IL5RA: variants seen among roughly 807,000 people sequenced by gnomAD.
The protein encoded by IL5RA is interleukin 5 receptor subunit alpha, also known as interleukin-5 receptor subunit alpha.
In IL5RA, 49 loss-of-function variants were observed where a neutral mutation model predicts 50.0. The ratio of observed to expected loss-of-function variants is 0.98; its 90% CI spans 0.78 to 1.24. The LOEUF (loss-of-function observed/expected upper bound fraction) is 1.24, where lower values mean the gene tolerates loss of function less well. IL5RA is among the 50% of genes most tolerant of loss of function. The pLI is 0.00. For synonymous variants in IL5RA, 202 were observed against 174.0 expected (o/e 1.16, Z -1.26); for missense variants, 600 against 500.4 (o/e 1.20, Z -1.90).
Position 3,092,370 on chromosome 3 carries a change from G to A in IL5RA, c.856-8C>T, listed in dbSNP as rs199874686. On this transcript the variant is annotated splice_polypyrimidine_tract_variant and splice_region_variant and intron_variant, in intron 8 of 11. Transcript: ENST00000446632. The surrounding 1 kb of genome is among the most constrained non-coding windows in gnomAD (Gnocchi z 4.2). ...GGTCATCAATTTTTCTATCTAAGTG[G>A]GGAAAGATAGCATTAGAAGAATCTC... The A allele has an allele frequency of 1.7e-5, 28 of 1,611,372 alleles. No homozygotes were observed. The highest frequency in any genetic ancestry group is 2.2e-5 in the East Asian group (1 of 44,896).
chr3:3,110,237 T>C lies in IL5RA; in HGVS notation c.-438A>G, dbSNP rs767483286. On this transcript the variant is annotated 5_prime_UTR_variant, in exon 1 of 12. Transcript: ENST00000446632. ...TCTCGTCCAGATAGCCATTATCTGATAACTGTCTTGTCTGCATTTTCACTC... is the reference window on the plus strand; with the variant it reads ...TCTCGTCCAGATAGCCATTATCTGACAACTGTCTTGTCTGCATTTTCACTC... 13 of 152,296 alleles carry C rather than the reference T, an allele frequency of 8.5e-5. No homozygotes were observed. The highest frequency in any genetic ancestry group is 1.6e-4 in the Non-Finnish European group (11 of 68,064). 9.4% of individuals were successfully genotyped at this position (152,296 alleles called of 1,614,324 possible). A position where few individuals can be genotyped will look rare whatever the true frequency, so the allele number is the denominator to read the frequency against.
In IL5RA at chr3:3,104,948, C is replaced by G; in HGVS notation, c.37G>C (p.Gly13Arg). 6.2e-7 allele frequency: 1 copy of G among 1,612,896 alleles called. No homozygotes were observed. Among genetic ancestry groups the G allele is most frequent in the Non-Finnish European group, 8.5e-7 (1 of 1,179,242 alleles). ...TCAGCTTGCAGTATCTCAGTGGCCC[C>G]CAAAAGGATGAGTAATACATGCGCC... ...IVAHVLLILL[G>R]ATEILQADLL... is the part of the protein sequence containing the mutation. The change falls in exon 3 of 12, where the codon GGG (glycine) becomes CGG (arginine). Residue 13 changes from glycine to arginine, a missense_variant. Transcript: ENST00000446632.
In IL5RA at chr3:3,104,942, T is replaced by G; in HGVS notation, c.43A>C (p.Thr15Pro). ...AHVLLILLGA[T>P]EILQADLLPD... ...AGTAAGTCAGCTTGCAGTATCTCAGTGGCCCCCAAAAGGATGAGTAATACA... is the reference window on the plus strand; with the variant it reads ...AGTAAGTCAGCTTGCAGTATCTCAGGGGCCCCCAAAAGGATGAGTAATACA... Residue 15 changes from threonine to proline, a missense_variant, in exon 3 of 12, where the codon ACT becomes CCT. Thr to Pro is a conservative substitution (Grantham distance 38, BLOSUM62 -1). Transcript: ENST00000446632. 6.2e-7 allele frequency: 1 copy of G among 1,613,234 alleles called. No homozygotes were observed. Among genetic ancestry groups the G allele is most frequent in the South Asian group, 1.1e-5 (1 of 91,048 alleles).
intron 2 of IL5RA, among the ~76,000 whole-genome samples, chr3:3,106,012 G>C (rs987885909): frequency 2.6e-5 from 4 of 152,098 alleles, no homozygotes; most frequent in African/African-American, 9.7e-5. Flanking sequence ...CCAGAGATTT[G>C]GTACCAGACA....
chr3:3,088,611 T>C (rs1702969490), intron 9 of IL5RA, among the ~76,000 whole-genome samples: 1 of 152,246 alleles, frequency 6.6e-6, no homozygotes, highest in African/African-American at 2.4e-5. Flanking sequence ...CTTTTTCACC[T>C]AATACGTTCT....
At chr3:3,090,188 C>A in intron 9 of IL5RA, 14 of 1,608,522 alleles carry the variant, frequency 8.7e-6, no homozygotes, top group Non-Finnish European at 1.2e-5. Context: ...GCTATCCCTG[C>A]TGTTGTTTTT....
At chr3:3,089,530 C>A (rs763667397) in intron 9 of IL5RA, among the ~76,000 whole-genome samples, 1 of 152,190 alleles carries the variant, frequency 6.6e-6, no homozygotes, top group Non-Finnish European at 1.5e-5. Flanking sequence ...TGTGCCTGAA[C>A]TAAATCTCTC....
chr3:3,070,360 G>T, intron 11 of IL5RA, 49 bp from the exon 12 acceptor site: 2 of 1,235,118 alleles, frequency 1.6e-6, no homozygotes, highest in Non-Finnish European at 2.3e-6. Context: ...GAACTTTTGG[G>T]TTCTTTGAAA....
intron 11 of IL5RA, among the ~76,000 whole-genome samples, chr3:3,071,552 A>AGTGTGTGTGTGTGTGT (rs55736610): frequency 2.9e-5 from 4 of 136,066 alleles, no homozygotes; most frequent in South Asian, 2.3e-4. Context: ...CTTCCTTCAC[A>AGTGTGTGTGTGTGTGT]GTGTGTGTGT....
intron 9 of IL5RA, among the ~76,000 whole-genome samples, chr3:3,088,535 T>A (rs1702965094): frequency 6.6e-6 from 1 of 152,236 alleles, no homozygotes; most frequent in Non-Finnish European, 1.5e-5. Flanking sequence ...CTCTAGCTTA[T>A]AACATAGAGC....
chr3:3,104,396 G>A (rs998295121), intron 3 of IL5RA, among the ~76,000 whole-genome samples: 3 of 152,208 alleles, frequency 2.0e-5, no homozygotes, highest in Non-Finnish European at 4.4e-5. Context: ...GGGCGCAATA[G>A]TCACATATGG....
chr3:3,093,251 C>A (rs989315838), intron 8 of IL5RA, among the ~76,000 whole-genome samples: 1 of 152,148 alleles, frequency 6.6e-6, no homozygotes, highest in Non-Finnish European at 1.5e-5. Context: ...GACTGAATTA[C>A]TTGCCACTTG....
At chr3:3,090,928 G>A (rs529292792) in intron 9 of IL5RA, among the ~76,000 whole-genome samples, 1 of 152,214 alleles carries the variant, frequency 6.6e-6, no homozygotes, top group South Asian at 2.1e-4. Context: ...TCCTGGGTGT[G>A]GAATTGACAT....
Position 3,069,809 on chromosome 3 carries a change from C to G in IL5RA, c.*416G>C, listed in dbSNP as rs1702237916. The G allele has an allele frequency of 6.1e-6, 1 of 163,294 alleles. No homozygotes were observed. Among genetic ancestry groups the G allele is most frequent in the South Asian group, 2.0e-4 (1 of 5,018 alleles). The allele number at this position is 163,294 out of a possible 1,614,324, so 10.1% of individuals were successfully genotyped here. A position where few individuals can be genotyped will look rare whatever the true frequency, so the allele number is the denominator to read the frequency against. On this transcript the variant is annotated 3_prime_UTR_variant, in exon 12 of 12. Coordinates refer to ENST00000446632, the MANE Select transcript of IL5RA (RefSeq NM_175726.4). ...GGCTGATGCAAAATGCTTTCTTCCT[C>G]AGATGGTAGCTGAGTGCTACAATTG...
At position 3,088,935 on chromosome 3, in the gene IL5RA, C is replaced by A. The variant is rs573253545; in HGVS notation, c.994+3289G>T. Among the ~76,000 whole-genome samples the A allele has an allele frequency of 6.6e-5, 10 of 152,202 alleles. No homozygotes were observed. In the South Asian group the frequency reaches 1.9e-3, roughly 29 times the overall value. ...CTTAGGCATTTGACAAAATTAATGA[C>A]CTTGTTAAAAATTCCCTGAGACTGA... On this transcript the variant is annotated intron_variant, in intron 9 of 11. Coordinates refer to ENST00000446632, the MANE Select transcript of IL5RA (RefSeq NM_175726.4).
intron 2 of IL5RA, among the ~76,000 whole-genome samples, chr3:3,106,572 C>T (rs980937669): frequency 2.0e-5 from 3 of 151,548 alleles, no homozygotes; most frequent in South Asian, 2.1e-4. Flanking sequence ...AAAAATGAAA[C>T]GATGACGATG....
chr3:3,086,984 G>A (rs895660746), intron 9 of IL5RA, among the ~76,000 whole-genome samples: 23 of 152,234 alleles, frequency 1.5e-4, no homozygotes, highest in African/African-American at 5.3e-4. Context: ...AATACCATAT[G>A]TTCTCACTTA....
chr3:3,076,468 T>C, intron 10 of IL5RA, 63 bp downstream of exon 10: 1 of 1,047,736 alleles, frequency 9.5e-7, no homozygotes, highest in Non-Finnish European at 1.5e-6. Context: ...GGATGCATGG[T>C]AAGCCTGTAA....
intron 2 of IL5RA, among the ~76,000 whole-genome samples, chr3:3,106,711 A>G (rs112705149): frequency 3.3e-5 from 5 of 152,282 alleles, no homozygotes; most frequent in Admixed American, 1.3e-4. Context: ...AAGAACAGCA[A>G]CAAAGATAGC....
Sources: allele counts gnomAD v4.1 joint callset (sites outside exome capture counted in the v4.1 genomes callset), GRCh38; gene constraint gnomAD v4.1.1; non-coding constraint Gnocchi (gnomAD v3.1); transcripts MANE v1.5; gene names NCBI Gene and HGNC (gene_info 2026-07-23, HGNC 2026-07-21).